Variants in DHRSX observed in about 807,000 individuals in gnomAD.
DHRSX encodes dehydrogenase/reductase X-linked.
DHRSX carries 31 observed loss-of-function variants against 34.0 expected under a neutral mutation model. That is an observed-to-expected ratio of 0.91 (90% CI 0.69 to 1.23). DHRSX has a LOEUF of 1.23. Among genes scored for constraint, DHRSX ranks in the 50% most tolerant of loss-of-function variants. The pLI is 0.00. For missense variants in DHRSX, 414 were observed against 428.1 expected (o/e 0.97, Z 0.29); for synonymous variants, 201 against 183.8 (o/e 1.09, Z -0.76).
chrX:2,282,433 G>T (rs1393996789), intron 4 of DHRSX, among the ~76,000 whole-genome samples: 1 of 149,248 alleles, frequency 6.7e-6, no homozygotes, highest in Admixed American at 6.7e-5. Context: ...GGAAGGCAAA[G>T]GAGAGAGGAG....
rs903725492 is a variant in DHRSX, at chrX:2,443,966, C to T, written c.110-18662G>A. ...GCTTGCAGTGAGCTGAGATCACACC[C>T]TGCACTCCAGCCTGGGCGACAGAGC... is the stretch of plus-strand genomic sequence containing the variant. On this transcript the variant is annotated intron_variant, in intron 1 of 6. Coordinates refer to ENST00000334651, the MANE Select transcript of DHRSX (RefSeq NM_145177.3). Among the ~76,000 whole-genome samples the T allele has an allele frequency of 1.5e-4, 23 of 149,804 alleles. 1 individual carries two copies. The highest frequency in any genetic ancestry group is 2.2e-4 in the Non-Finnish European group (15 of 67,768).
At chrX:2,432,830 T>C (rs2043944103) in intron 1 of DHRSX, among the ~76,000 whole-genome samples, 1 of 152,136 alleles carries the variant, frequency 6.6e-6, no homozygotes, top group Non-Finnish European at 1.5e-5. Flanking sequence ...AAAAAACTAC[T>C]TGTTTAAAAA....
chrX:2,265,366 G>A (rs1899400927), intron 5 of DHRSX, among the ~76,000 whole-genome samples: 1 of 110,674 alleles, frequency 9.0e-6, no homozygotes, highest in East Asian at 2.8e-4. Context: ...GTGCTCAGCA[G>A]ACGCAGGGAG....
intron 1 of DHRSX, among the ~76,000 whole-genome samples, chrX:2,452,801 T>C (rs2044243412): frequency 6.6e-6 from 1 of 152,190 alleles, no homozygotes; most frequent in Non-Finnish European, 1.5e-5. Flanking sequence ...ACCACCACCT[T>C]GTACACAGTG....
chrX:2,401,381 G>A (rs1489589564), intron 3 of DHRSX, among the ~76,000 whole-genome samples: 1 of 152,196 alleles, frequency 6.6e-6, no homozygotes, highest in Non-Finnish European at 1.5e-5. Flanking sequence ...AAAGAGCTGG[G>A]ATGACAGGCG....
intron 3 of DHRSX, among the ~76,000 whole-genome samples, chrX:2,319,535 T>G (rs1401150249): frequency 1.2e-5 from 1 of 86,924 alleles, no homozygotes; most frequent in Non-Finnish European, 2.2e-5. Context: ...AGAGTGAGAC[T>G]CCATCTCAAA....
At chrX:2,480,755 C>T (rs1374124753) in intron 1 of DHRSX, among the ~76,000 whole-genome samples, 7 of 152,112 alleles carry the variant, frequency 4.6e-5, no homozygotes, top group Admixed American at 6.6e-5. Flanking sequence ...GAGTTGGAGG[C>T]TGCCATGAGC....
intron 1 of DHRSX, among the ~76,000 whole-genome samples, chrX:2,428,543 T>A (rs1370840550): frequency 6.6e-6 from 1 of 152,060 alleles, no homozygotes; most frequent in Admixed American, 6.6e-5. Context: ...CACCACATGT[T>A]CTCACTCACA....
chrX:2,481,985 G>C (rs1190021695), intron 1 of DHRSX, among the ~76,000 whole-genome samples: 1 of 151,822 alleles, frequency 6.6e-6, no homozygotes, highest in Non-Finnish European at 1.5e-5. Flanking sequence ...TTTTGGTTGA[G>C]ACAGTCGCCC....
At position 2,315,923 on chromosome X, in the gene DHRSX, G is replaced by A. The variant is rs189284824; in HGVS notation, c.287-24320C>T. ...GTTGCCTAGGCTGGAGTGCAGTTTC[G>A]CGATCTCAGCTCACTGCAACCTCCG... On this transcript the variant is annotated intron_variant, in intron 3 of 6. Transcript: ENST00000334651. Among the ~76,000 whole-genome samples, 454 of 152,120 alleles carry A rather than the reference G, an allele frequency of 3.0e-3. 4 individuals carry two copies. Among genetic ancestry groups the A allele is most frequent in the Non-Finnish European group, 4.0e-3 (271 of 67,988 alleles).
At chrX:2,270,683 G>A (rs2041538742) in intron 4 of DHRSX, among the ~76,000 whole-genome samples, 1 of 152,180 alleles carries the variant, frequency 6.6e-6, no homozygotes, top group Non-Finnish European at 1.5e-5. Flanking sequence ...TTTGGGTACA[G>A]CAAGGGGGAA....
rs199651414 is a variant in DHRSX, at chrX:2,285,805, CGAA to C, written c.388+5694_388+5696del. Among the ~76,000 whole-genome samples the C allele has an allele frequency of 9.4e-3, 1,438 of 152,300 alleles. 22 individuals carry two copies. Among genetic ancestry groups the C allele is most frequent in the African/African-American group, 0.03 (1,244 of 41,560 alleles). ...ATCCAGCAATCTCATTTGCACACAA[CGAA>C]GAAGAATTCTGATGCACAAACCAAC... On this transcript the variant is annotated intron_variant, in intron 4 of 6. Coordinates refer to ENST00000334651, the MANE Select transcript of DHRSX (RefSeq NM_145177.3).
chrX:2,383,206 T>G (rs1460673258), intron 3 of DHRSX, among the ~76,000 whole-genome samples: 30 of 151,286 alleles, frequency 2.0e-4, no homozygotes. Context: ...ATCACCATCC[T>G]CATCACCATC....
At chrX:2,338,113 AC>A (rs1411043026) in intron 3 of DHRSX, 1 of 151,318 alleles carries the variant, frequency 6.6e-6, no homozygotes, top group Non-Finnish European at 1.5e-5. Context: ...CCAGCAGATC[AC>A]CCGAGGTCAG....
At chrX:2,452,354 C>T (rs1603112212) in intron 1 of DHRSX, among the ~76,000 whole-genome samples, 1 of 150,574 alleles carries the variant, frequency 6.6e-6, no homozygotes, top group Non-Finnish European at 1.5e-5. Flanking sequence ...GTTCCCTAGG[C>T]ATGTGGTCAA....
rs150673687 is a variant in DHRSX at position 2,400,256 on chromosome X, C to T, written c.286+8489G>A. On this transcript the variant is annotated intron_variant, in intron 3 of 6. Coordinates refer to ENST00000334651, the MANE Select transcript of DHRSX (RefSeq NM_145177.3). Reference sequence around the variant, plus strand: ...GAATTCTGTACATTAAAAATGGATACCCAGGGGTGTGGGGAGAATTCCATG... The same window carrying T: ...GAATTCTGTACATTAAAAATGGATATCCAGGGGTGTGGGGAGAATTCCATG... Among the ~76,000 whole-genome samples, 660 of 152,226 alleles carry T rather than the reference C, an allele frequency of 4.3e-3. 3 individuals carry two copies. The highest frequency in any genetic ancestry group is 0.015 in the African/African-American group (636 of 41,544).
intron 1 of DHRSX, among the ~76,000 whole-genome samples, chrX:2,448,604 GA>G (rs1368164868): frequency 6.6e-6 from 1 of 152,038 alleles, no homozygotes; most frequent in East Asian, 1.9e-4. Context: ...TATGTTAATT[GA>G]CTTGATTGTT....
At chrX:2,238,391 T>C (rs1036239527) in intron 6 of DHRSX, among the ~76,000 whole-genome samples, 14 of 152,042 alleles carry the variant, frequency 9.2e-5, no homozygotes, top group Non-Finnish European at 1.5e-4. Flanking sequence ...GTTTTTCTTC[T>C]GGTACCGACT....
At chrX:2,314,542 G>A (rs1368972381) in intron 3 of DHRSX, among the ~76,000 whole-genome samples, 2 of 149,704 alleles carry the variant, frequency 1.3e-5, no homozygotes, top group South Asian at 2.1e-4. Flanking sequence ...TCTATAGAAT[G>A]TGGATTTTTC....
Sources: allele counts gnomAD v4.1 joint callset (sites outside exome capture counted in the v4.1 genomes callset), GRCh38; gene constraint gnomAD v4.1.1; transcripts MANE v1.5; gene names NCBI Gene and HGNC (gene_info 2026-07-23, HGNC 2026-07-21).